Variants in CNTN5 observed in about 807,000 individuals in gnomAD.
CNTN5 encodes the protein contactin-5.
A neutral mutation model predicts 129.1 loss-of-function variants in CNTN5; 77 were observed. The ratio of observed to expected loss-of-function variants is 0.60; its 90% confidence interval spans 0.50 to 0.72. The LOEUF is 0.72. Among genes scored for constraint, CNTN5 ranks in the 30% least tolerant of loss-of-function variants. The probability of loss-of-function intolerance (pLI) is 0.00; values close to 1 mark genes in which losing one functional copy is unlikely to be tolerated. For missense variants in CNTN5, 1,478 were observed against 1,328.8 expected (o/e 1.11, Z -1.75); for synonymous variants, 509 against 465.6 (o/e 1.09, Z -1.20).
At chr11:99,979,597 C>T (rs912511704) in intron 8 of CNTN5, among the ~76,000 whole-genome samples, 6 of 152,030 alleles carry the variant, frequency 3.9e-5, no homozygotes, top group Non-Finnish European at 7.4e-5. Flanking sequence ...CTCTTCTTTA[C>T]CATAAGATCC....
chr11:99,278,545 G>A (rs1417467780), intron 1 of CNTN5, among the ~76,000 whole-genome samples: 1 of 151,664 alleles, frequency 6.6e-6, no homozygotes. Flanking sequence ...TGATGATAGT[G>A]ATTATGAGGA....
intron 1 of CNTN5, among the ~76,000 whole-genome samples, chr11:99,313,515 AAG>A (rs1865206076): frequency 6.6e-6 from 1 of 152,044 alleles, no homozygotes; most frequent in Non-Finnish European, 1.5e-5. Context: ...CACATAGGGA[AAG>A]AGAGGAGAAA....
chr11:100,043,231 TC>T (rs1323680232), intron 9 of CNTN5, among the ~76,000 whole-genome samples: 2 of 152,204 alleles, frequency 1.3e-5, no homozygotes, highest in Non-Finnish European at 2.9e-5. Flanking sequence ...TATTTCATTT[TC>T]CCTAAGTTGT....
At chr11:100,167,686 G>T (rs34055877) in intron 13 of CNTN5, among the ~76,000 whole-genome samples, 19,325 of 151,918 alleles carry the variant, frequency 0.13, 1,215 homozygotes, top group African/African-American at 0.14. Context: ...AGGTAGTCAA[G>T]GAGAACTTCT....
At chr11:99,659,647 T>C (rs1182835749) in intron 3 of CNTN5, among the ~76,000 whole-genome samples, 1 of 152,124 alleles carries the variant, frequency 6.6e-6, no homozygotes, top group Non-Finnish European at 1.5e-5. Flanking sequence ...CCAAAGGCAG[T>C]CTGGAAGTAG....
intron 6 of CNTN5, among the ~76,000 whole-genome samples, chr11:99,849,811 AGAT>A (rs1009422676): frequency 1.3e-5 from 2 of 152,130 alleles, no homozygotes; most frequent in Admixed American, 1.3e-4. Context: ...TTCATTTTTC[AGAT>A]GATAACTCTA....
At chr11:99,285,139 C>A (rs1176356321) in intron 1 of CNTN5, among the ~76,000 whole-genome samples, 1 of 152,032 alleles carries the variant, frequency 6.6e-6, no homozygotes, top group Non-Finnish European at 1.5e-5. Context: ...AGGTAGGCAC[C>A]TAGTGAGTTC....
At chr11:99,745,402 G>T (rs1183692362) in intron 3 of CNTN5, among the ~76,000 whole-genome samples, 2 of 152,098 alleles carry the variant, frequency 1.3e-5, no homozygotes, top group African/African-American at 2.4e-5. Context: ...TTTATCTACA[G>T]ATACTCTTAC....
At chr11:99,606,371 C>T (rs1591350741) in intron 3 of CNTN5, among the ~76,000 whole-genome samples, 1 of 135,248 alleles carries the variant, frequency 7.4e-6, no homozygotes, top group East Asian at 2.2e-4. Flanking sequence ...AATAAAATAC[C>T]TAGGAATCCA....
chr11:100,135,904 A>C (rs768455291), intron 13 of CNTN5, among the ~76,000 whole-genome samples: 1 of 151,972 alleles, frequency 6.6e-6, no homozygotes, highest in Non-Finnish European at 1.5e-5. Flanking sequence ...GCTTTGTTAG[A>C]TATATCTCTG....
intron 1 of CNTN5, among the ~76,000 whole-genome samples, chr11:99,306,726 T>C (rs1390582513): frequency 6.9e-6 from 1 of 145,868 alleles, no homozygotes; most frequent in Admixed American, 7.1e-5. Flanking sequence ...AGAGCAAGAC[T>C]CCGTCTCAAA....
chr11:100,219,943 G>A (rs1949225033), intron 15 of CNTN5, among the ~76,000 whole-genome samples: 1 of 152,070 alleles, frequency 6.6e-6, no homozygotes, highest in Non-Finnish European at 1.5e-5. Flanking sequence ...ACTATAAAAA[G>A]ACTGTCTATG....
intron 3 of CNTN5, among the ~76,000 whole-genome samples, chr11:99,740,322 T>C (rs990702722): frequency 3.3e-5 from 5 of 152,098 alleles, no homozygotes; most frequent in Non-Finnish European, 7.4e-5. Context: ...CCCAGAGTAG[T>C]TGCATGGAAC....
intron 3 of CNTN5, among the ~76,000 whole-genome samples, chr11:99,688,268 T>A: frequency 6.6e-6 from 1 of 152,160 alleles, no homozygotes; most frequent in South Asian, 2.1e-4. Context: ...TCTTGAACTC[T>A]TAGCCTTAAG....
At chr11:100,288,348 C>T (rs1591479805) in intron 18 of CNTN5, among the ~76,000 whole-genome samples, 1 of 152,022 alleles carries the variant, frequency 6.6e-6, no homozygotes, top group Non-Finnish European at 1.5e-5. Flanking sequence ...AAATTGACCA[C>T]ATACTTGGAA....
intron 1 of CNTN5, among the ~76,000 whole-genome samples, chr11:99,235,401 C>A (rs1164570732): frequency 6.6e-6 from 1 of 152,030 alleles, no homozygotes; most frequent in Non-Finnish European, 1.5e-5. Context: ...TGCAATTCAT[C>A]TAATTGCTGA....
chr11:99,928,080 A>G (rs1950105063), intron 7 of CNTN5, among the ~76,000 whole-genome samples: 1 of 152,196 alleles, frequency 6.6e-6, no homozygotes, highest in Non-Finnish European at 1.5e-5. Flanking sequence ...TGGGACAGTC[A>G]AATCTTAAAG....
intron 2 of CNTN5, among the ~76,000 whole-genome samples, chr11:99,436,474 A>T (rs887577929): frequency 6.6e-6 from 1 of 152,022 alleles, no homozygotes; most frequent in African/African-American, 2.4e-5. Flanking sequence ...AATCTTACTC[A>T]CTTTATATTT....
At chr11:99,446,072 G>A (rs528982351) in intron 2 of CNTN5, among the ~76,000 whole-genome samples, 8 of 129,276 alleles carry the variant, frequency 6.2e-5, no homozygotes, top group Non-Finnish European at 1.1e-4. Flanking sequence ...GGAGAAGAGC[G>A]AGACTTTGTC....
Sources: gnomAD v4.1 joint callset for allele counts (sites outside exome capture counted in the v4.1 genomes callset) on GRCh38, gnomAD v4.1.1 for gene constraint, MANE v1.5 for transcripts, NCBI Gene and HGNC (gene_info 2026-07-23, HGNC 2026-07-21) for gene names.